Variants in BMPR2 observed in about 807,000 individuals in gnomAD.
BMPR2 encodes the protein bone morphogenetic protein receptor type-2.
In BMPR2, 29 loss-of-function variants were observed where a neutral mutation model predicts 100.8. That is an observed-to-expected ratio of 0.29 (90% CI 0.21 to 0.39). BMPR2 has a LOEUF of 0.39. Ranked by LOEUF, BMPR2 falls within the 10% of genes least tolerant of loss-of-function variation. The probability of loss-of-function intolerance (pLI) is 1.00; values close to 1 mark genes in which losing one functional copy is unlikely to be tolerated. For missense variants in BMPR2, 1,011 were observed against 1,274.5 expected (o/e 0.79, Z 3.15); for synonymous variants, 382 against 442.3 (o/e 0.86, Z 1.71).
rs370654264 is a variant in BMPR2 at position 202,518,779 on chromosome 2, C to G, written c.622-43C>G. ...TTATTATTTAGTAAATTTGATTGTT[C>G]AATTGTGATATTAATACCTTGCTTT... On this transcript the variant is annotated intron_variant, in intron 5 of 12. Coordinates refer to ENST00000374580, the MANE Select transcript of BMPR2 (RefSeq NM_001204.7). The G allele has an allele frequency of 1.1e-5, 16 of 1,465,030 alleles. No homozygotes were observed. In the African/African-American group the frequency reaches 2.2e-4, roughly 20 times the overall value. The allele number at this position is 1,465,030 out of a possible 1,614,324, so 90.8% of individuals were successfully genotyped here.
chr2:202,532,874 T>G lies in BMPR2; in HGVS notation c.1276+142T>G. The G allele has an allele frequency of 9.5e-7, 1 of 1,052,314 alleles. No homozygotes were observed. Among genetic ancestry groups the G allele is most frequent in the South Asian group, 1.6e-5 (1 of 62,392 alleles). 65.2% of individuals were successfully genotyped at this position (1,052,314 alleles called of 1,614,324 possible). A position where few individuals can be genotyped will look rare whatever the true frequency, so the allele number is the denominator to read the frequency against. The stretch of plus-strand genomic sequence containing the variant: ...CTTTAGTTCATTGCTATCTAGTGTT[T>G]AGAAACATTATTAGCAGCAGGATGC... On this transcript the variant is annotated intron_variant, in intron 9 of 12. Transcript: ENST00000374580. This position sits in a 1 kb window ranked among gnomAD's most constrained non-coding sequence, Gnocchi z 4.1.
intron 3 of BMPR2, chr2:202,474,920 G>A (rs955536798): frequency 6.6e-6 from 1 of 152,004 alleles, no homozygotes; most frequent in Non-Finnish European, 1.5e-5. Flanking sequence ...TAACCTGCTT[G>A]TTTATTTGGA....
intron 1 of BMPR2, among the ~76,000 whole-genome samples, chr2:202,434,910 T>A (rs565152399): frequency 0.011 from 321 of 28,330 alleles, 5 homozygotes; most frequent in Non-Finnish European, 0.014. Context: ...AAAAAAAAAA[T>A]ATATATATAT....
chr2:202,456,759 C>A (rs1692116826), intron 1 of BMPR2, among the ~76,000 whole-genome samples: 1 of 152,140 alleles, frequency 6.6e-6, no homozygotes, highest in South Asian at 2.1e-4. Flanking sequence ...AGGTAATTCA[C>A]CAGCCTCGGC....
At chr2:202,484,802 T>TA (rs1401286780) in intron 3 of BMPR2, among the ~76,000 whole-genome samples, 11 of 148,256 alleles carry the variant, frequency 7.4e-5, no homozygotes, top group Admixed American at 2.0e-4. Context: ...CCGTCTCTAC[T>TA]AAAAAAAATG....
intron 3 of BMPR2, among the ~76,000 whole-genome samples, chr2:202,493,105 A>G (rs901806289): frequency 6.6e-6 from 1 of 152,194 alleles, no homozygotes; most frequent in Non-Finnish European, 1.5e-5. Context: ...TCTTTGAGTG[A>G]CATAGTCTTT....
chr2:202,543,781 G>A (rs938600921), intron 10 of BMPR2, among the ~76,000 whole-genome samples: 5 of 151,948 alleles, frequency 3.3e-5, no homozygotes, highest in South Asian at 2.1e-4. Context: ...ATACAATAAC[G>A]AGAAATTTTT....
intron 3 of BMPR2, among the ~76,000 whole-genome samples, chr2:202,479,206 G>A (rs1381424889): frequency 2.0e-5 from 3 of 152,166 alleles, no homozygotes; most frequent in Admixed American, 6.6e-5. Context: ...GTTGAAGAGG[G>A]CCACTTGACA....
At chr2:202,384,045 G>A (rs1022149775) in intron 1 of BMPR2, among the ~76,000 whole-genome samples, 1 of 151,826 alleles carries the variant, frequency 6.6e-6, no homozygotes, top group Non-Finnish European at 1.5e-5. Context: ...GGTGGCGGGC[G>A]CCTATAATCC....
At chr2:202,513,863 TAAACA>T in intron 4 of BMPR2, 34 bp downstream of exon 4, 1 of 1,459,152 alleles carries the variant, frequency 6.9e-7, no homozygotes, top group Non-Finnish European at 9.6e-7. Context: ...TATTGTTTAT[TAAACA>T]TGCAATTTAA....
intron 9 of BMPR2, among the ~76,000 whole-genome samples, chr2:202,535,428 G>T (rs1359264146): frequency 6.7e-6 from 1 of 149,466 alleles, no homozygotes; most frequent in Non-Finnish European, 1.5e-5. Context: ...GGGCAGAGGC[G>T]CTCCTCACAT....
intron 6 of BMPR2, 74 bp from the exon 7 acceptor site, chr2:202,520,013 A>T: frequency 1.1e-6 from 1 of 909,440 alleles, no homozygotes; most frequent in Non-Finnish European, 1.8e-6. Context: ...CTTTATAAGG[A>T]TGCTAATTTA....
In BMPR2 at chr2:202,555,329, C is replaced by G; in HGVS notation, c.1664C>G (p.Ser555Cys). 1 of 1,614,130 alleles carries G rather than the reference C, an allele frequency of 6.2e-7. No homozygotes were observed. Among genetic ancestry groups the G allele is most frequent in the Non-Finnish European group, 8.5e-7 (1 of 1,179,974 alleles). The change falls in exon 12 of 13, where the codon TCT becomes TGT. Residue 555 changes from serine to cysteine, a missense_variant. Ser to Cys is a moderately radical substitution (Grantham distance 112, BLOSUM62 -1). Coordinates refer to ENST00000374580, the MANE Select transcript of BMPR2 (RefSeq NM_001204.7). ...TCTTCCTCCTCATACATTGAAGACT[C>G]TATCCATCATACTGACAGCATCGTG... is the stretch of plus-strand genomic sequence containing the variant. Reference protein sequence around the residue: ...DYSSSSYIEDSIHHTDSIVKN... With the variant: ...DYSSSSYIEDCIHHTDSIVKN...
In BMPR2 at chr2:202,476,947, CA is replaced by C. The variant is rs35516927; in HGVS notation, c.418+9274del. ...ATATGAAATTAGCTTAATCAACTGC[CA>C]AAAAAAAAAAAAAAAGGATAATTTG... On this transcript the variant is annotated intron_variant, in intron 3 of 12. Transcript: ENST00000374580. 8.7e-3 allele frequency among the ~76,000 whole-genome samples: 1,058 copies of C among 121,256 alleles called. 5 individuals are homozygous for C. The highest frequency in any genetic ancestry group is 0.011 in the East Asian group (42 of 3,756). 79.5% of individuals were successfully genotyped at this position (121,256 alleles called of 152,430 possible).
intron 1 of BMPR2, among the ~76,000 whole-genome samples, chr2:202,456,517 CT>C (rs1247413090): frequency 3.0e-5 from 4 of 131,272 alleles, no homozygotes; most frequent in African/African-American, 1.1e-4. Context: ...TTCTTTCTTT[CT>C]TTTTTTTTTT....
intron 1 of BMPR2, among the ~76,000 whole-genome samples, chr2:202,450,035 G>A (rs1174809907): frequency 6.6e-6 from 1 of 152,108 alleles, no homozygotes; most frequent in Non-Finnish European, 1.5e-5. Flanking sequence ...GCTTGACCTA[G>A]GGAGGTGGAG....
At position 202,532,876 on chromosome 2, in the gene BMPR2, G is replaced by T; in HGVS notation, c.1276+144G>T. The T allele has an allele frequency of 1.9e-6, 2 of 1,038,428 alleles. No homozygotes were observed. The highest frequency in any genetic ancestry group is 2.7e-6 in the Non-Finnish European group (2 of 730,504). The allele number at this position is 1,038,428 out of a possible 1,614,324, so 64.3% of individuals were successfully genotyped here. ...TTAGTTCATTGCTATCTAGTGTTTA[G>T]AAACATTATTAGCAGCAGGATGCAA... is the stretch of plus-strand genomic sequence containing the variant. On this transcript the variant is annotated intron_variant, in intron 9 of 12. Transcript: ENST00000374580. This position sits in a 1 kb window ranked among gnomAD's most constrained non-coding sequence, Gnocchi z 4.1.
chr2:202,487,340 G>T (rs2066374649), intron 3 of BMPR2, among the ~76,000 whole-genome samples: 1 of 152,064 alleles, frequency 6.6e-6, no homozygotes, highest in Non-Finnish European at 1.5e-5. Flanking sequence ...TGAAAATTGA[G>T]AATTCTGTAT....
At chr2:202,491,181 T>C (rs1692893196) in intron 3 of BMPR2, among the ~76,000 whole-genome samples, 1 of 152,122 alleles carries the variant, frequency 6.6e-6, no homozygotes, top group South Asian at 2.1e-4. Context: ...CTCAGCCTGC[T>C]GAGTAGCTGG....
Sources: allele counts gnomAD v4.1 joint callset (sites outside exome capture counted in the v4.1 genomes callset), GRCh38; gene constraint gnomAD v4.1.1; non-coding constraint Gnocchi (gnomAD v3.1); transcripts MANE v1.5; gene names NCBI Gene and HGNC (gene_info 2026-07-23, HGNC 2026-07-21).